Variants in NPL observed in about 807,000 individuals in gnomAD.
NPL encodes the protein N-acetylneuraminate pyruvate lyase.
NPL carries 32 observed loss-of-function variants against 41.1 expected under a neutral mutation model. The ratio of observed to expected loss-of-function variants is 0.78; its 90% CI spans 0.59 to 1.05. NPL has a LOEUF of 1.05. Ranked by LOEUF, NPL falls within the 50% of genes least tolerant of loss-of-function variation. The probability of loss-of-function intolerance (pLI) is 0.00; values close to 1 mark genes in which losing one functional copy is unlikely to be tolerated. For synonymous variants in NPL, 128 were observed against 134.9 expected, an observed-to-expected ratio of 0.95 and a Z score of 0.35; for missense variants, 321 against 378.4, an observed-to-expected ratio of 0.85 and a Z score of 1.26.
chr1:182,805,750 C>T (rs924163720), intron 4 of NPL, among the ~76,000 whole-genome samples: 1 of 152,104 alleles, frequency 6.6e-6, no homozygotes. Flanking sequence ...CTGTAGTATA[C>T]AAAAGCACCC....
intron 3 of NPL, among the ~76,000 whole-genome samples, chr1:182,796,039 T>C (rs1332228972): frequency 6.6e-6 from 1 of 152,126 alleles, no homozygotes; most frequent in Non-Finnish European, 1.5e-5. Context: ...TAGAGATAAC[T>C]AAAATGACTT....
At chr1:182,806,259 G>GCCC in intron 5 of NPL, 27 bp downstream of exon 5, 1 of 1,614,040 alleles carries the variant, frequency 6.2e-7, no homozygotes, top group Non-Finnish European at 8.5e-7. Flanking sequence ...GGATAAAAAT[G>GCCC]CCCTTTGGCA....
chr1:182,806,347 G>C (rs760396127), intron 5 of NPL, 115 bp downstream of exon 5: 1 of 1,558,714 alleles, frequency 6.4e-7, no homozygotes, highest in Non-Finnish European at 8.7e-7. Context: ...CTTGAGGTCA[G>C]CTGGTGGGAA....
intron 3 of NPL, among the ~76,000 whole-genome samples, chr1:182,800,128 A>G (rs1666794721): frequency 6.6e-6 from 1 of 152,080 alleles, no homozygotes; most frequent in Non-Finnish European, 1.5e-5. Flanking sequence ...CCATCAGAGT[A>G]GGGTGGGAAA....
chr1:182,805,176 T>C (rs1004829808), intron 4 of NPL, among the ~76,000 whole-genome samples: 1 of 152,182 alleles, frequency 6.6e-6, no homozygotes, highest in Non-Finnish European at 1.5e-5. Context: ...ACACCAGTAA[T>C]CCCAGCACTT....
At position 182,806,184 on chromosome 1, in the gene NPL, CAG is replaced by C; in HGVS notation, c.185_186del (p.Glu62AlafsTer44). On this transcript the variant is annotated frameshift_variant, in exon 5 of 13. Coordinates refer to ENST00000367553, the MANE Select transcript of NPL (RefSeq NM_030769.3). LOFTEE classifies it high-confidence loss of function. The stretch of plus-strand genomic sequence containing the variant: ...GGAGAAGGCCTGTCCCTGAGCGTCT[CAG>C]AGCGTCGCCAGGTTGCAGAGGAGTG... 6.2e-7 allele frequency: 1 copy of C among 1,614,220 alleles called. No homozygotes were observed. The highest frequency in any genetic ancestry group is 8.5e-7 in the Non-Finnish European group (1 of 1,180,050).
intron 5 of NPL, among the ~76,000 whole-genome samples, chr1:182,810,208 T>A (rs1667136747): frequency 6.6e-6 from 1 of 152,156 alleles, no homozygotes; most frequent in African/African-American, 2.4e-5. Context: ...CAGCTGAACA[T>A]TATTAATCCC....
intron 4 of NPL, 62 bp from the exon 5 acceptor site, chr1:182,806,083 A>T (rs1422986019): frequency 6.2e-7 from 1 of 1,603,664 alleles, no homozygotes; most frequent in African/African-American, 1.3e-5. Flanking sequence ...GCACTTTCAG[A>T]CTCGGGGTTG....
Position 182,828,909 on chromosome 1 carries a change from T to C in NPL, c.*1T>C. On this transcript the variant is annotated 3_prime_UTR_variant, in exon 13 of 13. Transcript: ENST00000367553. The surrounding 1 kb of genome is among the most constrained non-coding windows in gnomAD (Gnocchi z 4.0). Reference sequence around the variant, plus strand: ...TGGAAACTTGGAAGCTGGTAGCTAGTGCCTCTCTATCAAATCAGGGTTTGC... The same window carrying C: ...TGGAAACTTGGAAGCTGGTAGCTAGCGCCTCTCTATCAAATCAGGGTTTGC... 1 of 1,614,184 alleles carries C rather than the reference T, an allele frequency of 6.2e-7. No homozygotes were observed. Among genetic ancestry groups the C allele is most frequent in the Middle Eastern group, 1.6e-4 (1 of 6,062 alleles).
intron 3 of NPL, among the ~76,000 whole-genome samples, chr1:182,800,340 G>A (rs1287910606): frequency 6.6e-6 from 1 of 151,140 alleles, no homozygotes; most frequent in South Asian, 2.1e-4. Flanking sequence ...GGAGGCAGAG[G>A]CCAGAGGATC....
intron 4 of NPL, among the ~76,000 whole-genome samples, chr1:182,804,575 A>C (rs1383908128): frequency 6.6e-6 from 1 of 152,220 alleles, no homozygotes; most frequent in Non-Finnish European, 1.5e-5. Context: ...AGTTTAAAAA[A>C]TTAGATCTTG....
Position 182,828,684 on chromosome 1 carries a change from C to T in NPL, c.779-40C>T, listed in dbSNP as rs41268526. ...TTTGGGATTTTTGTGGAGAGATAGA[C>T]GGTACCAGTCATGTTTCCTCATTTG... On this transcript the variant is annotated intron_variant, in intron 12 of 12. Transcript: ENST00000367553. The surrounding 1 kb of genome is among the most constrained non-coding windows in gnomAD (Gnocchi z 4.0). The T allele has an allele frequency of 6.6e-3, 10,601 of 1,613,444 alleles. 51 individuals carry two copies. The highest frequency in any genetic ancestry group is 7.8e-3 in the Non-Finnish European group (9,226 of 1,179,636).
At chr1:182,789,953 C>T (rs1666450497) in intron 1 of NPL, 148 bp downstream of exon 1, 1 of 152,368 alleles carries the variant, frequency 6.6e-6, no homozygotes, top group Admixed American at 6.5e-5. Context: ...GGCAGATACG[C>T]TGGGAAACGG....
chr1:182,822,536 G>A (rs1382314085), intron 11 of NPL, among the ~76,000 whole-genome samples: 12 of 152,162 alleles, frequency 7.9e-5, no homozygotes, highest in Admixed American at 7.9e-4. Context: ...TCCCCTTGAG[G>A]ACATCACATC....
At chr1:182,790,127 A>G in intron 1 of NPL, among the ~76,000 whole-genome samples, 1 of 152,286 alleles carries the variant, frequency 6.6e-6, no homozygotes, top group African/African-American at 2.4e-5. Context: ...TAAACCTGAT[A>G]CATCCCCCCT....
intron 7 of NPL, 122 bp downstream of exon 7, chr1:182,814,980 A>G (rs1395942528): frequency 3.9e-6 from 3 of 761,362 alleles, no homozygotes; most frequent in Non-Finnish European, 6.8e-6. Context: ...TGAAGTCGCA[A>G]TGGTACAGTG....
At chr1:182,806,939 A>G (rs1441904181) in intron 5 of NPL, among the ~76,000 whole-genome samples, 1 of 152,134 alleles carries the variant, frequency 6.6e-6, no homozygotes, top group Non-Finnish European at 1.5e-5. Flanking sequence ...CCGGGGTTCA[A>G]GCAATTCCCC....
Position 182,806,672 on chromosome 1 carries a change from A to T in NPL, c.230+440A>T, listed in dbSNP as rs188567948. 3 of 964,798 alleles carry T rather than the reference A, an allele frequency of 3.1e-6. No individual in the cohort carries two copies. In the Admixed American group the frequency reaches 8.0e-5, roughly 26 times the overall value. The allele number at this position is 964,798 out of a possible 1,614,324, so 59.8% of individuals were successfully genotyped here. A position where few individuals can be genotyped will look rare whatever the true frequency, so the allele number is the denominator to read the frequency against. ...TGACAGGTCTCTGTGCATCCAACTC[A>T]ATGTGCTCTTTTATGGTGCTTCCTC... On this transcript the variant is annotated intron_variant, in intron 5 of 12. Coordinates refer to ENST00000367553, the MANE Select transcript of NPL (RefSeq NM_030769.3).
intron 12 of NPL, chr1:182,826,283 A>G (rs546451915): frequency 5.7e-5 from 10 of 174,912 alleles, no homozygotes; most frequent in Non-Finnish European, 9.8e-5. Context: ...TAATATGACA[A>G]AGTAAAATTG....
Sources: allele counts gnomAD v4.1 joint callset (sites outside exome capture counted in the v4.1 genomes callset), GRCh38; gene constraint gnomAD v4.1.1; non-coding constraint Gnocchi (gnomAD v3.1); transcripts MANE v1.5; gene names NCBI Gene and HGNC (gene_info 2026-07-23, HGNC 2026-07-21).